DNAH7: variants seen among roughly 807,000 people sequenced by gnomAD.
The protein encoded by DNAH7 is axonemal beta dynein heavy chain 7.
Under a neutral mutation model 444.6 loss-of-function variants are expected in DNAH7, and 397 were observed. That is an observed-to-expected ratio of 0.89 (90% CI 0.82 to 0.97). The LOEUF (loss-of-function observed/expected upper bound fraction) is 0.97. Among genes scored for constraint, DNAH7 ranks in the 50% least tolerant of loss-of-function variants. DNAH7 has a pLI of 0.00. For synonymous variants in DNAH7, 1,636 were observed against 1,624.4 expected, an observed-to-expected ratio of 1.01 and a Z score of -0.17; for missense variants, 4,902 against 4,800.8, an observed-to-expected ratio of 1.02 and a Z score of -0.62.
At chr2:195,828,536 G>T (rs1697896572) in intron 48 of DNAH7, among the ~76,000 whole-genome samples, 1 of 151,262 alleles carries the variant, frequency 6.6e-6, no homozygotes, top group Admixed American at 6.6e-5. Context: ...AGTGAGCCGA[G>T]ATCTTGACAC....
intron 31 of DNAH7, among the ~76,000 whole-genome samples, chr2:195,890,784 T>C (rs1701969815): frequency 6.6e-6 from 1 of 152,176 alleles, no homozygotes; most frequent in Non-Finnish European, 1.5e-5. Flanking sequence ...AGAGCTGAGA[T>C]TTCACGTTTT....
chr2:195,971,338 T>C (rs1691826281), intron 16 of DNAH7, among the ~76,000 whole-genome samples: 1 of 152,204 alleles, frequency 6.6e-6, no homozygotes, highest in Admixed American at 6.6e-5. Context: ...TCACAGCATT[T>C]CTGTGTGTCA....
rs1442317477 is a variant in DNAH7 at position 196,016,282 on chromosome 2, C to G, written c.869+2888G>C. On this transcript the variant is annotated intron_variant, in intron 9 of 64. Transcript: ENST00000312428. ...GGTGTTGTTTTGAAAATGAAATGTACTAATTTACACAAACATAATTTGTGA... is the reference window on the plus strand; with the variant it reads ...GGTGTTGTTTTGAAAATGAAATGTAGTAATTTACACAAACATAATTTGTGA... 2.0e-5 allele frequency among the ~76,000 whole-genome samples: 3 copies of G among 152,032 alleles called. No homozygotes were observed. The East Asian group carries it at 5.8e-4, about 29-fold the overall frequency.
rs761867805 is a variant in DNAH7, at chr2:195,987,177, A to T, written c.1643T>A (p.Met548Lys). Residue 548 changes from methionine (M) to lysine (K), a missense_variant, in exon 14 of 65, where the codon ATG becomes AAG. Transcript: ENST00000312428. ...YTSIKTIRLG[M>K]FEMHCEELIR... is the part of the protein sequence containing the mutation. ...TAATTCCTCACAGTGCATTTCAAACATTCCTAAACGAATAGTCTGCAAAAG... is the reference window on the plus strand; with the variant it reads ...TAATTCCTCACAGTGCATTTCAAACTTTCCTAAACGAATAGTCTGCAAAAG... 1.9e-6 allele frequency: 3 copies of T among 1,595,190 alleles called. No individual in the cohort carries two copies. Among genetic ancestry groups the T allele is most frequent in the East Asian group, 2.3e-5 (1 of 44,278 alleles).
intron 51 of DNAH7, among the ~76,000 whole-genome samples, chr2:195,814,269 C>T (rs775983553): frequency 1.3e-5 from 2 of 152,108 alleles, no homozygotes; most frequent in Non-Finnish European, 2.9e-5. Context: ...TTTAGTATTA[C>T]GGCAGACATA....
chr2:195,911,212 T>C (rs1687339156), intron 24 of DNAH7, among the ~76,000 whole-genome samples: 2 of 152,184 alleles, frequency 1.3e-5, no homozygotes, highest in African/African-American at 4.8e-5. Context: ...GTCTGTTAAA[T>C]GAGATTTTAA....
intron 1 of DNAH7, among the ~76,000 whole-genome samples, chr2:196,066,597 A>G (rs1423301194): frequency 6.6e-6 from 1 of 152,230 alleles, no homozygotes; most frequent in Non-Finnish European, 1.5e-5. Context: ...AATGCCTTTT[A>G]AAGTTTTAAC....
intron 56 of DNAH7, chr2:195,796,016 T>A (rs770125022): frequency 1.3e-5 from 2 of 152,828 alleles, no homozygotes; most frequent in Non-Finnish European, 2.9e-5. Context: ...GTTTACTCAG[T>A]TGAGCTACAT....
At chr2:195,796,402 G>A (rs866601470) in intron 56 of DNAH7, among the ~76,000 whole-genome samples, 174 bp downstream of exon 56, 3 of 152,202 alleles carry the variant, frequency 2.0e-5, no homozygotes, top group South Asian at 4.1e-4. Flanking sequence ...CTATGTGCTC[G>A]CCTCTGTTCC....
chr2:195,888,084 T>C (rs1160285592), intron 33 of DNAH7, among the ~76,000 whole-genome samples, 174 bp downstream of exon 33: 1 of 152,158 alleles, frequency 6.6e-6, no homozygotes, highest in Non-Finnish European at 1.5e-5. Flanking sequence ...ATATACCTCA[T>C]TTGAAATATT....
chr2:196,003,979 G>A (rs1303776656), intron 10 of DNAH7, among the ~76,000 whole-genome samples: 1 of 152,188 alleles, frequency 6.6e-6, no homozygotes, highest in Non-Finnish European at 1.5e-5. Context: ...ATTTTTAACA[G>A]TGGTAAGGTG....
chr2:196,068,084 A>C (rs1364582908), intron 1 of DNAH7, among the ~76,000 whole-genome samples: 1 of 152,242 alleles, frequency 6.6e-6, no homozygotes, highest in African/African-American at 2.4e-5. Context: ...AAAAGCAGCT[A>C]TTGCAAAGTG....
chr2:195,861,568 A>T lies in DNAH7; in HGVS notation c.7736+149T>A, dbSNP rs1346554403. On this transcript the variant is annotated intron_variant, in intron 42 of 64. Coordinates refer to ENST00000312428, the MANE Select transcript of DNAH7 (RefSeq NM_018897.3). ...GATAAGACCCCTCCCTAAATTCAAA[A>T]TGTCTGTGGATTAAATAATTTAAAG... 2.0e-5 allele frequency: 13 copies of T among 647,654 alleles called. No homozygotes were observed. The East Asian group carries it at 3.7e-4, about 18-fold the overall frequency. 40.1% of individuals were successfully genotyped at this position (647,654 alleles called of 1,614,324 possible).
At chr2:195,834,462 A>G (rs1698233083) in intron 47 of DNAH7, 102 bp from the exon 48 acceptor site, 1 of 1,272,930 alleles carries the variant, frequency 7.9e-7, no homozygotes, top group African/African-American at 1.5e-5. Flanking sequence ...TTTGCCCTTT[A>G]TTGTAATATT....
At chr2:195,799,839 G>A (rs1696361840) in intron 54 of DNAH7, among the ~76,000 whole-genome samples, 1 of 152,158 alleles carries the variant, frequency 6.6e-6, no homozygotes, top group Non-Finnish European at 1.5e-5. Flanking sequence ...TTTAAGTTGT[G>A]CAAAATTTCC....
chr2:195,933,624 T>C (rs1230609365), intron 21 of DNAH7, among the ~76,000 whole-genome samples: 2 of 151,752 alleles, frequency 1.3e-5, no homozygotes, highest in Admixed American at 1.3e-4. Context: ...CTGGAAACCA[T>C]CATTCTCAGC....
At chr2:195,855,533 T>A (rs891174379) in intron 45 of DNAH7, among the ~76,000 whole-genome samples, 1 of 151,998 alleles carries the variant, frequency 6.6e-6, no homozygotes, top group Non-Finnish European at 1.5e-5. Context: ...AGAATAAATA[T>A]TTTAGTCTTT....
At chr2:196,019,978 C>T (rs181374881) in intron 8 of DNAH7, among the ~76,000 whole-genome samples, 18 of 150,822 alleles carry the variant, frequency 1.2e-4, no homozygotes, top group Admixed American at 2.0e-4. Flanking sequence ...CCTCCTCCTT[C>T]ACCTCCTCTT....
At position 195,890,112 on chromosome 2, in the gene DNAH7, C is replaced by T. The variant is rs202147981; in HGVS notation, c.5047-1131G>A. On this transcript the variant is annotated intron_variant, in intron 31 of 64. Transcript: ENST00000312428. The stretch of plus-strand genomic sequence containing the variant: ...GTTGAAGTGGTGAAGGATTTGAATC[C>T]ATATTAGCACGTTCTCAGTCCCTGC... 2.6e-5 allele frequency among the ~76,000 whole-genome samples: 4 copies of T among 152,144 alleles called. No homozygotes were observed. The East Asian group carries it at 7.7e-4, about 29-fold the overall frequency.
Sources: gnomAD v4.1 joint callset for allele counts (sites outside exome capture counted in the v4.1 genomes callset) on GRCh38, gnomAD v4.1.1 for gene constraint, MANE v1.5 for transcripts, NCBI Gene and HGNC (gene_info 2026-07-23, HGNC 2026-07-21) for gene names.